The following RHOH variants were observed in gnomAD, a reference collection of about 807,000 sequenced individuals.
RHOH encodes the protein rho-related GTP-binding protein RhoH.
In RHOH, 6 loss-of-function variants were observed where a neutral mutation model predicts 13.8. The ratio of observed to expected loss-of-function variants is 0.44; its 90% CI spans 0.24 to 0.86. RHOH has a LOEUF of 0.86. RHOH is among the 40% of genes least tolerant of loss of function. The pLI is 0.24. For synonymous variants in RHOH, 117 were observed against 103.0 expected, an observed-to-expected ratio of 1.14 and a Z score of -0.82; for missense variants, 147 against 244.5, an observed-to-expected ratio of 0.60 and a Z score of 2.66.
At chr4:40,208,072 G>A (rs1334451224) in intron 1 of RHOH, among the ~76,000 whole-genome samples, 1 of 147,692 alleles carries the variant, frequency 6.8e-6, no homozygotes, top group Non-Finnish European at 1.5e-5. Flanking sequence ...ACTTTTTTTT[G>A]GACCTGTGAC....
chr4:40,209,119 G>C (rs1019677158), intron 1 of RHOH, among the ~76,000 whole-genome samples: 1 of 152,078 alleles, frequency 6.6e-6, no homozygotes, highest in African/African-American at 2.4e-5. Context: ...TAGTTAAAAT[G>C]ATTCTGACAT....
At chr4:40,228,753 C>T (rs1378291360) in intron 1 of RHOH, among the ~76,000 whole-genome samples, 1 of 152,072 alleles carries the variant, frequency 6.6e-6, no homozygotes, top group Non-Finnish European at 1.5e-5. Flanking sequence ...TCCAAAGCCC[C>T]CTCACCTTTT....
intron 1 of RHOH, among the ~76,000 whole-genome samples, chr4:40,198,666 G>A (rs895082794): frequency 2.0e-5 from 3 of 152,108 alleles, no homozygotes; most frequent in Non-Finnish European, 2.9e-5. Context: ...CGTGTGGCTC[G>A]GGGTACCAGT....
rs567256992 is a variant in RHOH at position 40,199,025 on chromosome 4, G to A, written c.-331+1725G>A. On this transcript the variant is annotated intron_variant, in intron 1 of 2. Transcript: ENST00000381799. ...CTTTTGAGCCAGATCACTTTGCATG[G>A]AATCCCCATTCTATCATTCTATCAT... is the stretch of plus-strand genomic sequence containing the variant. Among the ~76,000 whole-genome samples, 4 of 152,126 alleles carry A rather than the reference G, an allele frequency of 2.6e-5. No individual in the cohort carries two copies. In the East Asian group the frequency reaches 7.7e-4, roughly 29 times the overall value.
Position 40,239,148 on chromosome 4 carries a change from T to C in RHOH, c.-330-3566T>C, listed in dbSNP as rs954450384. ...ACAATGATGCGGTGGTTTGTTTTCG[T>C]ATTCACTGCAGCAGGTAATAAATGT... is the stretch of plus-strand genomic sequence containing the variant. On this transcript the variant is annotated intron_variant, in intron 1 of 2. Transcript: ENST00000381799. Among the ~76,000 whole-genome samples, 4 of 152,308 alleles carry C rather than the reference T, an allele frequency of 2.6e-5. No individual in the cohort carries two copies. The South Asian group carries it at 8.3e-4, about 32-fold the overall frequency.
At chr4:40,194,366 T>G (rs2109329641), upstream of RHOH, among the ~76,000 whole-genome samples, 1 of 152,194 alleles carries the variant, frequency 6.6e-6, no homozygotes, top group African/African-American at 2.4e-5. Flanking sequence ...GTAGCTGGGA[T>G]TACAGGCATG....
intron 1 of RHOH, among the ~76,000 whole-genome samples, chr4:40,210,785 T>C (rs1222043190): frequency 2.0e-5 from 3 of 152,136 alleles, no homozygotes; most frequent in East Asian, 1.9e-4. Flanking sequence ...AATATCCCAC[T>C]CTATATGTAT....
In RHOH at chr4:40,243,681, A is replaced by G; in HGVS notation, c.295A>G (p.Ile99Val). ...ATTCCTGAACTTGAAGAACAAGTGG[A>G]TTGGTGAAATTAGGAGCAACTTGCC... is the stretch of plus-strand genomic sequence containing the variant. ...NSFLNLKNKWIGEIRSNLPCT... is the reference protein window; with the variant it reads ...NSFLNLKNKWVGEIRSNLPCT... Residue 99 changes from isoleucine to valine, a missense_variant, in exon 3 of 3, where the codon ATT becomes GTT. Coordinates refer to ENST00000381799, the MANE Select transcript of RHOH (RefSeq NM_004310.5). This position sits in a 1 kb window ranked among gnomAD's most constrained non-coding sequence, Gnocchi z 6.2. 1 of 1,614,126 alleles carries G rather than the reference A, an allele frequency of 6.2e-7. No homozygotes were observed. The highest frequency in any genetic ancestry group is 1.1e-5 in the South Asian group (1 of 91,088).
At chr4:40,220,912 G>A (rs1726481157) in intron 1 of RHOH, among the ~76,000 whole-genome samples, 1 of 152,174 alleles carries the variant, frequency 6.6e-6, no homozygotes, top group Admixed American at 6.5e-5. Flanking sequence ...TTAATCAGAA[G>A]CTGAGCATCT....
chr4:40,194,469 T>G (rs1310189277), upstream of RHOH, among the ~76,000 whole-genome samples: 1 of 152,162 alleles, frequency 6.6e-6, no homozygotes, highest in Admixed American at 6.5e-5. Flanking sequence ...CCTCAAGCGA[T>G]CTGCCCTCCT....
chr4:40,206,861 C>G (rs1205302592), intron 1 of RHOH, among the ~76,000 whole-genome samples: 1 of 151,986 alleles, frequency 6.6e-6, no homozygotes, highest in Non-Finnish European at 1.5e-5. Flanking sequence ...ATGTCATATG[C>G]CTTTTAGGTT....
intron 1 of RHOH, chr4:40,200,673 G>A (rs1723850799): frequency 6.6e-6 from 1 of 152,218 alleles, no homozygotes; most frequent in Non-Finnish European, 1.5e-5. Flanking sequence ...TCCTTGAGAT[G>A]AGTTATCGGG....
intron 1 of RHOH, among the ~76,000 whole-genome samples, chr4:40,216,020 A>G (rs145367479): frequency 3.0e-4 from 46 of 152,188 alleles, no homozygotes; most frequent in African/African-American, 9.6e-4. Flanking sequence ...TGCCCCATGA[A>G]GCCATCGGAA....
intron 1 of RHOH, among the ~76,000 whole-genome samples, 193 bp from the exon 2 acceptor site, chr4:40,242,521 C>T (rs1441501852): frequency 6.6e-6 from 1 of 152,162 alleles, no homozygotes; most frequent in Non-Finnish European, 1.5e-5. Context: ...ACTCTAAGGC[C>T]AGTCTGTTGC....
intron 1 of RHOH, among the ~76,000 whole-genome samples, chr4:40,222,355 G>T (rs1029173058): frequency 6.6e-6 from 1 of 152,242 alleles, no homozygotes; most frequent in African/African-American, 2.4e-5. Flanking sequence ...TGGCTTCAAA[G>T]CTTCAAAGAA....
At chr4:40,216,024 A>T (rs137971594) in intron 1 of RHOH, among the ~76,000 whole-genome samples, 3 of 152,210 alleles carry the variant, frequency 2.0e-5, no homozygotes, top group Non-Finnish European at 4.4e-5. Flanking sequence ...CCATGAAGCC[A>T]TCGGAACTGC....
In RHOH at chr4:40,243,937, C is replaced by T. The variant is rs1363533326; in HGVS notation, c.551C>T (p.Ser184Phe). 2 of 1,613,544 alleles carry T rather than the reference C, an allele frequency of 1.2e-6. No individual in the cohort carries two copies. The highest frequency in any genetic ancestry group is 2.7e-5 in the African/African-American group (2 of 74,912). The change falls in exon 3 of 3, where the codon TCC becomes TTC. Residue 184 changes from serine (S) to phenylalanine (F), a missense_variant. This residue lies in a region of RHOH where 31 missense variants were observed against 61.8 expected (regional missense o/e 0.50). Transcript: ENST00000381799. The surrounding 1 kb of genome is among the most constrained non-coding windows in gnomAD (Gnocchi z 6.2). ...AGACGAAACAGAAGGAGGCTCTTCT[C>T]CATCAATGAGTGCAAGATCTTCTAA... ...ARRRNRRRLF[S>F]INECKIF
chr4:40,204,988 C>A (rs928580060), intron 1 of RHOH, among the ~76,000 whole-genome samples: 20 of 151,946 alleles, frequency 1.3e-4, no homozygotes, highest in Non-Finnish European at 2.4e-4. Flanking sequence ...CAGGGCCGGG[C>A]GAGGTGGCTC....
At chr4:40,233,740 A>T (rs971342222) in intron 1 of RHOH, among the ~76,000 whole-genome samples, 4 of 152,112 alleles carry the variant, frequency 2.6e-5, no homozygotes, top group Admixed American at 1.3e-4. Flanking sequence ...TAATTTTCAC[A>T]TGTCATAAAA....
Sources: gnomAD v4.1 joint callset for allele counts (sites outside exome capture counted in the v4.1 genomes callset) on GRCh38, gnomAD v4.1.1 for gene constraint, gnomAD v4.1.1 regional missense constraint, Gnocchi (gnomAD v3.1) non-coding constraint, MANE v1.5 for transcripts, NCBI Gene and HGNC (gene_info 2026-07-23, HGNC 2026-07-21) for gene names.